RANBP17: variants seen among roughly 807,000 people sequenced by gnomAD.
The protein encoded by RANBP17 is RAN binding protein 17, also known as ran-binding protein 17.
RANBP17 carries 158 observed loss-of-function variants against 141.2 expected under a neutral mutation model. The ratio of observed to expected loss-of-function variants is 1.12; its 90% CI spans 0.98 to 1.28. The LOEUF (loss-of-function observed/expected upper bound fraction) is 1.28, where lower values mean the gene tolerates loss of function less well. RANBP17 is among the 50% of genes most tolerant of loss of function. The pLI, the probability that RANBP17 is intolerant of heterozygous loss-of-function variation, is 0.00. For missense variants in RANBP17, 1,438 were observed against 1,290.7 expected, an observed-to-expected ratio of 1.11 and a Z score of -1.75; for synonymous variants, 430 against 450.0, an observed-to-expected ratio of 0.96 and a Z score of 0.56.
At chr5:171,145,690 A>G (rs756282669) in intron 14 of RANBP17, among the ~76,000 whole-genome samples, 19 of 152,154 alleles carry the variant, frequency 1.2e-4, no homozygotes, top group Admixed American at 3.3e-4. Context: ...GTTGCTCATA[A>G]CAGTAATGAA....
At chr5:171,210,818 A>T (rs898837184) in intron 20 of RANBP17, among the ~76,000 whole-genome samples, 6 of 151,866 alleles carry the variant, frequency 4.0e-5, no homozygotes, top group African/African-American at 1.5e-4. Flanking sequence ...CATCCTGGCC[A>T]ACATGGTGAA....
chr5:171,261,122 C>A (rs1187006705), intron 24 of RANBP17, among the ~76,000 whole-genome samples: 1 of 105,200 alleles, frequency 9.5e-6, no homozygotes, highest in African/African-American at 3.2e-5. Flanking sequence ...AAAAAAAAAC[C>A]CTAAAGAGAG....
chr5:171,080,652 T>C (rs1325280227), intron 14 of RANBP17, among the ~76,000 whole-genome samples: 1 of 152,126 alleles, frequency 6.6e-6, no homozygotes, highest in Non-Finnish European at 1.5e-5. Context: ...CAGAAATCAA[T>C]AGGGTTTAAA....
At chr5:171,184,659 CAATT>C (rs1761112927) in intron 18 of RANBP17, among the ~76,000 whole-genome samples, 2 of 152,094 alleles carry the variant, frequency 1.3e-5, no homozygotes, top group African/African-American at 4.8e-5. Context: ...ATGCATTTGT[CAATT>C]AGTTAGATTT....
chr5:170,981,953 G>A (rs527646517), intron 14 of RANBP17, among the ~76,000 whole-genome samples: 6 of 152,258 alleles, frequency 3.9e-5, no homozygotes, highest in African/African-American at 1.4e-4. Context: ...ATTTAATTAG[G>A]ATTAATTATA....
At chr5:170,931,651 T>TA (rs771773234) in intron 12 of RANBP17, among the ~76,000 whole-genome samples, 13 of 152,300 alleles carry the variant, frequency 8.5e-5, no homozygotes, top group Admixed American at 2.0e-4. Flanking sequence ...CCAGCACCGT[T>TA]TATTAAGTAG....
intron 14 of RANBP17, among the ~76,000 whole-genome samples, chr5:171,036,199 C>T (rs911368687): frequency 6.6e-6 from 1 of 152,146 alleles, no homozygotes; most frequent in African/African-American, 2.4e-5. Context: ...ACCTCTGTGC[C>T]TCTCCCCAGT....
At chr5:170,863,052 A>G (rs375930917) in intron 1 of RANBP17, among the ~76,000 whole-genome samples, 1 of 152,176 alleles carries the variant, frequency 6.6e-6, no homozygotes, top group African/African-American at 2.4e-5. Flanking sequence ...AGCGCCTACT[A>G]TGCTAGGCGC....
rs927348888 is a variant in RANBP17 at position 171,281,215 on chromosome 5, G to A, written c.2944-12668G>A. 6.6e-5 allele frequency among the ~76,000 whole-genome samples: 10 copies of A among 152,270 alleles called. No homozygotes were observed. In the East Asian group the frequency reaches 9.6e-4, roughly 15 times the overall value. On this transcript the variant is annotated intron_variant, in intron 25 of 27. Coordinates refer to ENST00000523189, the MANE Select transcript of RANBP17 (RefSeq NM_022897.5). ...AGGAGAACATTTGAGTATATGCTTCGTTGAGATCCTGTAAACAAAAAATGT... is the reference window on the plus strand; with the variant it reads ...AGGAGAACATTTGAGTATATGCTTCATTGAGATCCTGTAAACAAAAAATGT...
At chr5:171,272,804 A>G (rs1438043915) in intron 25 of RANBP17, among the ~76,000 whole-genome samples, 1 of 151,116 alleles carries the variant, frequency 6.6e-6, no homozygotes, top group Admixed American at 6.6e-5. Flanking sequence ...ACAGATGGGC[A>G]GTGACCCAAA....
chr5:171,097,854 T>C (rs897620719), intron 14 of RANBP17, among the ~76,000 whole-genome samples: 2 of 151,988 alleles, frequency 1.3e-5, no homozygotes, highest in African/African-American at 4.8e-5. Flanking sequence ...TTCTCATTTT[T>C]CACCTCCCAC....
At chr5:171,061,745 C>G (rs1297064973) in intron 14 of RANBP17, among the ~76,000 whole-genome samples, 4 of 152,124 alleles carry the variant, frequency 2.6e-5, no homozygotes, top group East Asian at 1.9e-4. Flanking sequence ...ATTGATCTGT[C>G]TAATGTTGAC....
intron 25 of RANBP17, among the ~76,000 whole-genome samples, chr5:171,274,111 AGTGTGTGT>A (rs372324815): frequency 1.4e-3 from 203 of 143,208 alleles, no homozygotes; most frequent in African/African-American, 4.1e-3. Flanking sequence ...AGTTTGATCA[AGTGTGTGT>A]GTGTGTGTGT....
chr5:171,184,040 T>C, intron 18 of RANBP17, among the ~76,000 whole-genome samples: 1 of 152,176 alleles, frequency 6.6e-6, no homozygotes, highest in Admixed American at 6.5e-5. Flanking sequence ...CAAAAATGGT[T>C]AGTACAGCCA....
intron 14 of RANBP17, among the ~76,000 whole-genome samples, chr5:171,009,185 A>G (rs945016158): frequency 6.6e-6 from 1 of 152,184 alleles, no homozygotes; most frequent in Non-Finnish European, 1.5e-5. Context: ...TTCAGTGCCA[A>G]TCTTTATCAC....
At chr5:171,114,798 A>G (rs1755495331) in intron 14 of RANBP17, among the ~76,000 whole-genome samples, 4 of 151,258 alleles carry the variant, frequency 2.6e-5, no homozygotes, top group Non-Finnish European at 5.9e-5. Context: ...GACACAGACT[A>G]AATGTGGTCT....
At chr5:170,906,216 G>A (rs941755165) in intron 5 of RANBP17, among the ~76,000 whole-genome samples, 4 of 152,008 alleles carry the variant, frequency 2.6e-5, no homozygotes, top group Non-Finnish European at 5.9e-5. Flanking sequence ...CTTTCTAGCA[G>A]AAGAACCAGT....
At chr5:170,913,047 A>G (rs1219331073) in intron 7 of RANBP17, among the ~76,000 whole-genome samples, 1 of 152,042 alleles carries the variant, frequency 6.6e-6, no homozygotes, top group Non-Finnish European at 1.5e-5. Flanking sequence ...AAAGCTAGAA[A>G]ACAATAGAGA....
At chr5:171,174,035 A>T (rs898513580) in intron 16 of RANBP17, among the ~76,000 whole-genome samples, 1 of 152,114 alleles carries the variant, frequency 6.6e-6, no homozygotes, top group Admixed American at 6.6e-5. Context: ...TAACTGGATG[A>T]CTGTTGCATT....
Sources: allele counts gnomAD v4.1 joint callset (sites outside exome capture counted in the v4.1 genomes callset), GRCh38; gene constraint gnomAD v4.1.1; transcripts MANE v1.5; gene names NCBI Gene and HGNC (gene_info 2026-07-23, HGNC 2026-07-21).